Variants in SCAMP1 observed in about 807,000 individuals in gnomAD.
SCAMP1 encodes the protein secretory carrier-associated membrane protein 1.
Under a neutral mutation model 41.8 loss-of-function variants are expected in SCAMP1, and 15 were observed. The ratio of observed to expected loss-of-function variants is 0.36; its 90% CI spans 0.24 to 0.55. SCAMP1 has a LOEUF of 0.55. Among genes scored for constraint, SCAMP1 ranks in the 20% least tolerant of loss-of-function variants. The probability of loss-of-function intolerance (pLI) is 0.86; values close to 1 mark genes in which losing one functional copy is unlikely to be tolerated. For synonymous variants in SCAMP1, 135 were observed against 136.8 expected, an observed-to-expected ratio of 0.99 and a Z score of 0.09; for missense variants, 341 against 412.6, an observed-to-expected ratio of 0.83 and a Z score of 1.50.
intron 6 of SCAMP1, among the ~76,000 whole-genome samples, chr5:78,438,837 G>T (rs1383110470): frequency 3.9e-5 from 6 of 152,134 alleles, no homozygotes; most frequent in Non-Finnish European, 8.8e-5. Flanking sequence ...CATTATTATT[G>T]TGTGGGAGTC....
intron 7 of SCAMP1, among the ~76,000 whole-genome samples, chr5:78,451,981 A>G (rs1481545560): frequency 6.6e-6 from 1 of 152,138 alleles, no homozygotes; most frequent in Non-Finnish European, 1.5e-5. Context: ...GTAGTATTCT[A>G]TGATATGGAT....
chr5:78,360,749 C>A (rs1256460387), intron 1 of SCAMP1, 21 bp downstream of exon 1: 6 of 1,598,688 alleles, frequency 3.8e-6, no homozygotes, highest in Non-Finnish European at 5.1e-6. Flanking sequence ...GCCCCAGCAT[C>A]TCCTGCCGCC....
rs775192382 is a variant in SCAMP1, at chr5:78,444,662, A to G, written c.633-5271A>G. 6.6e-4 allele frequency among the ~76,000 whole-genome samples: 100 copies of G among 152,342 alleles called. 1 individual carries two copies. Among genetic ancestry groups the G allele is most frequent in the Middle Eastern group, 3.4e-3 (1 of 294 alleles). ...ATTCTAGTAGTCTTGATTGTTAGCA[A>G]CCATGTTCCAGAAATTTTCAGTATC... On this transcript the variant is annotated intron_variant, in intron 6 of 8. Coordinates refer to ENST00000621999, the MANE Select transcript of SCAMP1 (RefSeq NM_004866.6).
intron 8 of SCAMP1, 32 bp from the exon 9 acceptor site, chr5:78,475,472 T>G: frequency 6.6e-7 from 1 of 1,519,882 alleles, no homozygotes; most frequent in Non-Finnish European, 8.8e-7. Context: ...AGGTTGCTAC[T>G]TACCTTCTCC....
intron 5 of SCAMP1, among the ~76,000 whole-genome samples, 193 bp from the exon 6 acceptor site, chr5:78,421,608 C>T (rs772101825): frequency 2.2e-4 from 34 of 152,104 alleles, no homozygotes; most frequent in Non-Finnish European, 3.5e-4. Context: ...TATTAAGACT[C>T]GCTTTCCTGT....
chr5:78,443,175 T>C (rs1313234359), intron 6 of SCAMP1, among the ~76,000 whole-genome samples: 1 of 129,932 alleles, frequency 7.7e-6, no homozygotes, highest in African/African-American at 3.0e-5. Flanking sequence ...ATCGTACCAC[T>C]GCACTCCAGC....
chr5:78,434,295 G>T (rs762704911), intron 6 of SCAMP1, among the ~76,000 whole-genome samples: 6 of 152,190 alleles, frequency 3.9e-5, no homozygotes, highest in Non-Finnish European at 8.8e-5. Context: ...AGGTAAACAA[G>T]TGCTAGTCTT....
At chr5:78,448,999 T>TTA (rs1274023314) in intron 6 of SCAMP1, among the ~76,000 whole-genome samples, 172 of 80,770 alleles carry the variant, frequency 2.1e-3, no homozygotes, top group Non-Finnish European at 3.7e-3. Flanking sequence ...AAACTCCGTC[T>TTA]CAAAAAAAAA....
intron 1 of SCAMP1, among the ~76,000 whole-genome samples, chr5:78,381,112 T>TG (rs1276727971): frequency 6.6e-6 from 1 of 152,010 alleles, no homozygotes; most frequent in East Asian, 1.9e-4. Context: ...ACAGTCTAAT[T>TG]GGGGGAAGAA....
At chr5:78,399,794 G>A (rs908870184) in intron 2 of SCAMP1, among the ~76,000 whole-genome samples, 1 of 152,134 alleles carries the variant, frequency 6.6e-6, no homozygotes, top group African/African-American at 2.4e-5. Context: ...TAATTTTAAG[G>A]AAGTCCAGCT....
chr5:78,438,810 G>A (rs1158863778), intron 6 of SCAMP1, among the ~76,000 whole-genome samples: 3 of 152,114 alleles, frequency 2.0e-5, no homozygotes, highest in African/African-American at 4.8e-5. Context: ...TGTTGACAGT[G>A]GGGTGTTAAA....
chr5:78,461,083 A>G (rs1753599685), intron 8 of SCAMP1, among the ~76,000 whole-genome samples: 1 of 152,068 alleles, frequency 6.6e-6, no homozygotes, highest in Non-Finnish European at 1.5e-5. Context: ...CTTGAACTCC[A>G]GACCTCAAAT....
intron 1 of SCAMP1, among the ~76,000 whole-genome samples, chr5:78,366,332 C>T (rs370101239): frequency 1.4e-4 from 22 of 152,060 alleles, no homozygotes; most frequent in African/African-American, 4.8e-4. Context: ...TTAGTAGAGA[C>T]GGAGTTTCAC....
chr5:78,427,935 G>A (rs1380951795), intron 6 of SCAMP1, among the ~76,000 whole-genome samples: 1 of 152,066 alleles, frequency 6.6e-6, no homozygotes, highest in Non-Finnish European at 1.5e-5. Flanking sequence ...TAAGAGTTCT[G>A]TATTGGAGAT....
intron 8 of SCAMP1, among the ~76,000 whole-genome samples, chr5:78,472,434 A>G (rs1439054228): frequency 6.6e-6 from 1 of 151,674 alleles, no homozygotes; most frequent in Admixed American, 6.6e-5. Context: ...AAATTATAGT[A>G]CTTGGTGTCA....
At chr5:78,450,667 A>G (rs1478189677) in intron 7 of SCAMP1, among the ~76,000 whole-genome samples, 1 of 152,208 alleles carries the variant, frequency 6.6e-6, no homozygotes, top group Non-Finnish European at 1.5e-5. Flanking sequence ...AAGAGTACAC[A>G]TCTCTAAAAT....
chr5:78,401,212 G>T (rs1047737708), intron 2 of SCAMP1, among the ~76,000 whole-genome samples: 1 of 151,972 alleles, frequency 6.6e-6, no homozygotes, highest in Non-Finnish European at 1.5e-5. Flanking sequence ...TATGTGATTC[G>T]TTTCATATAT....
At chr5:78,407,866 A>G (rs1751972685) in intron 2 of SCAMP1, among the ~76,000 whole-genome samples, 1 of 152,140 alleles carries the variant, frequency 6.6e-6, no homozygotes, top group Non-Finnish European at 1.5e-5. Context: ...AAGCTGGCCA[A>G]TTCTGATAGT....
At position 78,396,625 on chromosome 5, in the gene SCAMP1, A is replaced by G. The variant is rs555929674; in HGVS notation, c.135+7711A>G. On this transcript the variant is annotated intron_variant, in intron 2 of 8. Coordinates refer to ENST00000621999, the MANE Select transcript of SCAMP1 (RefSeq NM_004866.6). ...TGGCCCTTAGATGGTATTTAAAGGT[A>G]TAAGACTGGATTTAATCATCAATTG... Among the ~76,000 whole-genome samples the G allele has an allele frequency of 2.6e-5, 4 of 152,330 alleles. No individual in the cohort carries two copies. In the South Asian group the frequency reaches 8.3e-4, roughly 32 times the overall value.
Sources: allele counts gnomAD v4.1 joint callset (sites outside exome capture counted in the v4.1 genomes callset), GRCh38; gene constraint gnomAD v4.1.1; transcripts MANE v1.5; gene names NCBI Gene and HGNC (gene_info 2026-07-23, HGNC 2026-07-21).